NRG3: variants seen among roughly 807,000 people sequenced by gnomAD.
NRG3 encodes neuregulin 3.
A neutral mutation model predicts 66.9 loss-of-function variants in NRG3; 31 were observed. That is an observed-to-expected ratio of 0.46 (90% CI 0.35 to 0.63). The LOEUF is 0.63. NRG3 is among the 20% of genes least tolerant of loss of function. NRG3 has a pLI of 0.00. For synonymous variants in NRG3, 393 were observed against 359.4 expected, an observed-to-expected ratio of 1.09 and a Z score of -1.06; for missense variants, 910 against 878.9, an observed-to-expected ratio of 1.04 and a Z score of -0.45.
At chr10:82,062,327 C>T (rs891950668) in intron 1 of NRG3, among the ~76,000 whole-genome samples, 23 of 152,054 alleles carry the variant, frequency 1.5e-4, no homozygotes, top group Admixed American at 2.6e-4. Context: ...TAAGGCAGGC[C>T]GGGCATGGTG....
At chr10:82,571,486 CAAT>C (rs1242731563) in intron 2 of NRG3, among the ~76,000 whole-genome samples, 4 of 151,658 alleles carry the variant, frequency 2.6e-5, no homozygotes, top group Middle Eastern at 6.8e-3. Context: ...AATACATCAA[CAAT>C]GTCTGTCAAA....
intron 1 of NRG3, among the ~76,000 whole-genome samples, chr10:82,104,036 A>T (rs1317215793): frequency 6.6e-6 from 1 of 151,680 alleles, no homozygotes; most frequent in African/African-American, 2.4e-5. Context: ...CTCATGTCAA[A>T]GTTGGGTGTT....
Position 82,501,566 on chromosome 10 carries a change from T to C in NRG3, c.953+142698T>C, listed in dbSNP as rs117724014. On this transcript the variant is annotated intron_variant, in intron 2 of 8. Coordinates refer to ENST00000372141, the MANE Select transcript of NRG3 (RefSeq NM_001010848.4). ...CCCTTCGTTCCATTCCCAAGTGTTATCTGGCTTACTTATCTGCCAATATAC... is the reference window on the plus strand; with the variant it reads ...CCCTTCGTTCCATTCCCAAGTGTTACCTGGCTTACTTATCTGCCAATATAC... Among the ~76,000 whole-genome samples the C allele has an allele frequency of 2.8e-3, 427 of 152,236 alleles. 4 individuals carry two copies. The highest frequency in any genetic ancestry group is 5.2e-3 in the Non-Finnish European group (351 of 68,024).
At chr10:82,938,622 T>G (rs1248969808) in intron 4 of NRG3, among the ~76,000 whole-genome samples, 1 of 152,250 alleles carries the variant, frequency 6.6e-6, no homozygotes, top group Non-Finnish European at 1.5e-5. Flanking sequence ...ACACCTCATC[T>G]GTCTGAGAGA....
chr10:82,908,729 T>C (rs527323991), intron 4 of NRG3, among the ~76,000 whole-genome samples: 13 of 152,342 alleles, frequency 8.5e-5, no homozygotes, highest in African/African-American at 3.1e-4. Flanking sequence ...ACTAAACTGC[T>C]TCAGTGGCTC....
At chr10:82,831,563 C>T (rs1472425255) in intron 3 of NRG3, among the ~76,000 whole-genome samples, 1 of 152,070 alleles carries the variant, frequency 6.6e-6, no homozygotes. Context: ...CGCCTGTAAT[C>T]CCAACAGTTT....
At chr10:82,871,809 AT>A (rs1564588070) in intron 4 of NRG3, among the ~76,000 whole-genome samples, 1 of 152,036 alleles carries the variant, frequency 6.6e-6, no homozygotes, top group East Asian at 1.9e-4. Context: ...TTATAGGAAT[AT>A]TTTTAATTTT....
intron 2 of NRG3, among the ~76,000 whole-genome samples, chr10:82,725,393 T>C (rs999225019): frequency 1.3e-5 from 2 of 152,224 alleles, no homozygotes; most frequent in South Asian, 4.1e-4. Flanking sequence ...GAAGTCAGTA[T>C]TGAAATTCAT....
chr10:82,150,530 CAAAAAAA>C (rs1188955647), intron 1 of NRG3, among the ~76,000 whole-genome samples: 2 of 26,680 alleles, frequency 7.5e-5, no homozygotes, highest in Admixed American at 3.4e-4. Flanking sequence ...AGAGCACACA[CAAAAAAA>C]AAAAAAAAAA....
At chr10:82,520,638 A>G (rs945777441) in intron 2 of NRG3, among the ~76,000 whole-genome samples, 1 of 152,188 alleles carries the variant, frequency 6.6e-6, no homozygotes, top group African/African-American at 2.4e-5. Context: ...ACATTGTCCC[A>G]TAGTTTTACT....
intron 1 of NRG3, among the ~76,000 whole-genome samples, chr10:82,107,771 A>G (rs1165865969): frequency 1.3e-5 from 2 of 152,218 alleles, no homozygotes; most frequent in Admixed American, 6.5e-5. Context: ...GAGTGTAACA[A>G]TCACTGTGGA....
chr10:82,528,891 G>A (rs948796283), intron 2 of NRG3, among the ~76,000 whole-genome samples: 2 of 152,014 alleles, frequency 1.3e-5, no homozygotes, highest in Non-Finnish European at 1.5e-5. Context: ...CACATGACCT[G>A]GATGACCTAG....
chr10:82,112,132 T>C (rs1236348047), intron 1 of NRG3, among the ~76,000 whole-genome samples: 1 of 152,106 alleles, frequency 6.6e-6, no homozygotes, highest in African/African-American at 2.4e-5. Flanking sequence ...GGGTCCCAGC[T>C]ACTCAGGAGG....
At chr10:82,119,759 T>C (rs2067967539) in intron 1 of NRG3, among the ~76,000 whole-genome samples, 1 of 152,164 alleles carries the variant, frequency 6.6e-6, no homozygotes, top group Non-Finnish European at 1.5e-5. Context: ...CTTGACTCTC[T>C]TATTGATAAA....
At chr10:82,082,640 T>C (rs1231613613) in intron 1 of NRG3, among the ~76,000 whole-genome samples, 2 of 152,148 alleles carry the variant, frequency 1.3e-5, no homozygotes, top group Non-Finnish European at 2.9e-5. Context: ...AAAATAGAGA[T>C]GCAGAATGAG....
intron 2 of NRG3, among the ~76,000 whole-genome samples, chr10:82,705,402 A>C (rs1221916975): frequency 6.6e-6 from 1 of 152,190 alleles, no homozygotes; most frequent in African/African-American, 2.4e-5. Context: ...AGAGCCCAGC[A>C]ATCTGTTTGT....
At chr10:82,511,376 C>G (rs1845152286) in intron 2 of NRG3, among the ~76,000 whole-genome samples, 1 of 152,146 alleles carries the variant, frequency 6.6e-6, no homozygotes, top group Non-Finnish European at 1.5e-5. Context: ...AAATCAATGA[C>G]CTATTTTCTT....
At chr10:82,400,086 T>C (rs2086977993) in intron 2 of NRG3, among the ~76,000 whole-genome samples, 1 of 152,240 alleles carries the variant, frequency 6.6e-6, no homozygotes, top group Admixed American at 6.5e-5. Flanking sequence ...TTAAATAATT[T>C]AATCGCTAGA....
intron 4 of NRG3, among the ~76,000 whole-genome samples, chr10:82,870,488 T>C (rs1021769001): frequency 6.6e-6 from 1 of 152,214 alleles, no homozygotes; most frequent in East Asian, 1.9e-4. Context: ...AGGATATGTT[T>C]AGTTTTTTTA....
Sources: gnomAD v4.1 joint callset for allele counts (sites outside exome capture counted in the v4.1 genomes callset) on GRCh38, gnomAD v4.1.1 for gene constraint, MANE v1.5 for transcripts, NCBI Gene and HGNC (gene_info 2026-07-23, HGNC 2026-07-21) for gene names.